PCDHGA8: variants seen among roughly 807,000 people sequenced by gnomAD.
PCDHGA8 encodes the protein protocadherin gamma-A8.
Under a neutral mutation model 59.2 loss-of-function variants are expected in PCDHGA8, and 45 were observed. The ratio of observed to expected loss-of-function variants is 0.76; its 90% CI spans 0.60 to 0.98. PCDHGA8 has a LOEUF of 0.98. Ranked by LOEUF, PCDHGA8 falls within the 50% of genes least tolerant of loss-of-function variation. PCDHGA8 has a pLI of 0.00. For synonymous variants in PCDHGA8, 531 were observed against 519.0 expected, an observed-to-expected ratio of 1.02 and a Z score of -0.32; for missense variants, 1,257 against 1,196.2, an observed-to-expected ratio of 1.05 and a Z score of -0.75.
chr5:141,418,618 A>T, intron 1 of PCDHGA8: 5 of 1,614,046 alleles, frequency 3.1e-6, no homozygotes, highest in Non-Finnish European at 4.2e-6. Context: ...GCCTTCGGGA[A>T]GACGTGCCTC....
At chr5:141,409,567 G>T (rs974585499) in intron 1 of PCDHGA8, 2 of 1,613,896 alleles carry the variant, frequency 1.2e-6, no homozygotes, top group Non-Finnish European at 1.7e-6. Context: ...TCGACCAGAC[G>T]TCCTACGTGG....
intron 1 of PCDHGA8, chr5:141,412,395 T>G (rs941350125): frequency 1.3e-5 from 2 of 152,246 alleles, no homozygotes; most frequent in African/African-American, 4.8e-5. Flanking sequence ...ATTTAACTTG[T>G]ATCCCTGTAA....
rs753503057 is a variant in PCDHGA8 at position 141,400,154 on chromosome 5, T to A, written c.2424+4917T>A. 8 of 1,614,074 alleles carry A rather than the reference T, an allele frequency of 5.0e-6. 1 individual carries two copies. In the South Asian group the frequency reaches 6.6e-5, roughly 13 times the overall value. On this transcript the variant is annotated intron_variant, in intron 1 of 3. Coordinates refer to ENST00000398604, the MANE Select transcript of PCDHGA8 (RefSeq NM_032088.2). ...CTGCCGGATATCACTGACCGCCCTG[T>A]ACCCTCTGACCCCCAGGCTGAGCTG...
rs772526220 is a variant in PCDHGA8, at chr5:141,392,810, A to C, written c.-4A>C. ...TTCTGAGAGGATTCTGCAGCAAAAC[A>C]ACAATGGCCGCTCCACAGAGTCGCC... On this transcript the variant is annotated 5_prime_UTR_variant, in exon 1 of 4. Coordinates refer to ENST00000398604, the MANE Select transcript of PCDHGA8 (RefSeq NM_032088.2). 1 of 1,580,390 alleles carries C rather than the reference A, an allele frequency of 6.3e-7. No individual in the cohort carries two copies. Among genetic ancestry groups the C allele is most frequent in the South Asian group, 1.2e-5 (1 of 86,778 alleles).
intron 1 of PCDHGA8, among the ~76,000 whole-genome samples, chr5:141,438,828 A>T (rs1364963084): frequency 6.7e-6 from 1 of 149,956 alleles, no homozygotes; most frequent in Non-Finnish European, 1.5e-5. Context: ...TGCCCAGCTA[A>T]TTTTTTAAAA....
chr5:141,449,622 T>A (rs889336036), intron 1 of PCDHGA8, among the ~76,000 whole-genome samples: 1 of 150,910 alleles, frequency 6.6e-6, no homozygotes, highest in African/African-American at 2.4e-5. Context: ...AAAAGTTTTT[T>A]AAAAAGATGT....
Position 141,432,502 on chromosome 5 carries a change from C to T in PCDHGA8, c.2424+37265C>T. On this transcript the variant is annotated intron_variant, in intron 1 of 3. Transcript: ENST00000398604. This position sits in a 1 kb window ranked among gnomAD's most constrained non-coding sequence, Gnocchi z 6.0. ...CTGGCGTGGAGCTGGCTCCCCGCTC[C>T]GCAGAGCCCGGCTACCTGGTGACCA... 6.2e-7 allele frequency: 1 copy of T among 1,614,142 alleles called. No individual in the cohort carries two copies. The highest frequency in any genetic ancestry group is 8.5e-7 in the Non-Finnish European group (1 of 1,180,042).
intron 1 of PCDHGA8, chr5:141,395,489 A>T: frequency 4.2e-6 from 2 of 480,562 alleles, no homozygotes; most frequent in Non-Finnish European, 3.6e-6. Flanking sequence ...TCCTATTATC[A>T]CTCATTCACT....
At chr5:141,438,210 A>G (rs1228726792) in intron 1 of PCDHGA8, among the ~76,000 whole-genome samples, 2 of 152,188 alleles carry the variant, frequency 1.3e-5, no homozygotes, top group Non-Finnish European at 2.9e-5. Flanking sequence ...ACCATATGGG[A>G]AGGGCTCTGG....
At position 141,477,866 on chromosome 5, in the gene PCDHGA8, A is replaced by G; in HGVS notation, c.2425-16941A>G. ...CTCGGTGGAGATGCTGCCTCGAGGT[A>G]CCTCAGCTGGCCACCTAGTGTCACG... On this transcript the variant is annotated intron_variant, in intron 1 of 3. Coordinates refer to ENST00000398604, the MANE Select transcript of PCDHGA8 (RefSeq NM_032088.2). This position sits in a 1 kb window ranked among gnomAD's most constrained non-coding sequence, Gnocchi z 4.9. 1 of 1,614,072 alleles carries G rather than the reference A, an allele frequency of 6.2e-7. No homozygotes were observed. Among genetic ancestry groups the G allele is most frequent in the Non-Finnish European group, 8.5e-7 (1 of 1,179,988 alleles).
At chr5:141,484,009 TG>T (rs2099590446) in intron 1 of PCDHGA8, among the ~76,000 whole-genome samples, 1 of 14,098 alleles carries the variant, frequency 7.1e-5, no homozygotes, top group Admixed American at 8.3e-4. Context: ...TGGATGAGGG[TG>T]GGGGTGGGGT....
At chr5:141,433,204 C>A in intron 1 of PCDHGA8, 1 of 1,566,946 alleles carries the variant, frequency 6.4e-7, no homozygotes, top group Non-Finnish European at 8.6e-7. Flanking sequence ...ATCAAATCTT[C>A]TTTCTTTTTT....
At chr5:141,418,423 T>G (rs1469880702) in intron 1 of PCDHGA8, 1 of 1,613,868 alleles carries the variant, frequency 6.2e-7, no homozygotes. Flanking sequence ...ATCCTGATGG[T>G]GGCAAATATC....
At chr5:141,405,038 G>T in intron 1 of PCDHGA8, 1 of 1,613,964 alleles carries the variant, frequency 6.2e-7, no homozygotes, top group Non-Finnish European at 8.5e-7. Flanking sequence ...CCTCGTTGTG[G>T]CTGTGGCAGT....
intron 1 of PCDHGA8, chr5:141,423,252 C>T (rs2096724826): frequency 1.2e-6 from 2 of 1,613,802 alleles, no homozygotes; most frequent in South Asian, 2.2e-5. Context: ...TCCTGGCGGA[C>T]CTCGGCAGCC....
intron 1 of PCDHGA8, among the ~76,000 whole-genome samples, chr5:141,474,000 C>T (rs2099336161): frequency 6.6e-6 from 1 of 152,076 alleles, no homozygotes. Context: ...GCCCAAGGAG[C>T]TGGAAGTTAC....
rs2097383403 is a variant in PCDHGA8 at position 141,431,483 on chromosome 5, T to C, written c.2424+36246T>C. On this transcript the variant is annotated intron_variant, in intron 1 of 3. Coordinates refer to ENST00000398604, the MANE Select transcript of PCDHGA8 (RefSeq NM_032088.2). This position sits in a 1 kb window ranked among gnomAD's most constrained non-coding sequence, Gnocchi z 4.8. ...GGATGCGAACGACAACGCACCAGCG[T>C]TTGCTCAGCCCGAGTACCGCGCGAG... 2 of 1,613,758 alleles carry C rather than the reference T, an allele frequency of 1.2e-6. No homozygotes were observed. The highest frequency in any genetic ancestry group is 2.7e-5 in the African/African-American group (2 of 74,938).
At chr5:141,405,251 C>T (rs1462013657) in intron 1 of PCDHGA8, 1 of 1,614,124 alleles carries the variant, frequency 6.2e-7, no homozygotes, top group Admixed American at 1.7e-5. Context: ...AAGGAAGAGT[C>T]ACCTGATCTT....
chr5:141,477,765 A>C lies in PCDHGA8; in HGVS notation c.2425-17042A>C, dbSNP rs752391870. The C allele has an allele frequency of 6.2e-7, 1 of 1,614,026 alleles. No individual in the cohort carries two copies. Among genetic ancestry groups the C allele is most frequent in the Non-Finnish European group, 8.5e-7 (1 of 1,180,036 alleles). Reference sequence around the variant, plus strand: ...GGGGGCACCCCGGTCCTAGCCACCAACATCAGCGTGAACATATTTGTCACT... The same window carrying C: ...GGGGGCACCCCGGTCCTAGCCACCACCATCAGCGTGAACATATTTGTCACT... On this transcript the variant is annotated intron_variant, in intron 1 of 3. Coordinates refer to ENST00000398604, the MANE Select transcript of PCDHGA8 (RefSeq NM_032088.2). The surrounding 1 kb of genome is among the most constrained non-coding windows in gnomAD (Gnocchi z 4.9).
Sources: gnomAD v4.1 joint callset for allele counts (sites outside exome capture counted in the v4.1 genomes callset) on GRCh38, gnomAD v4.1.1 for gene constraint, Gnocchi (gnomAD v3.1) non-coding constraint, MANE v1.5 for transcripts, NCBI Gene and HGNC (gene_info 2026-07-23, HGNC 2026-07-21) for gene names.